The following SLC9A9 variants were observed in gnomAD, a reference collection of about 807,000 sequenced individuals.
The protein encoded by SLC9A9 is solute carrier family 9 member A9.
A neutral mutation model predicts 77.8 loss-of-function variants in SLC9A9; 62 were observed. The observed-to-expected ratio is 0.80, with a 90% CI of 0.65 to 0.98. The LOEUF is 0.98. Ranked by LOEUF, SLC9A9 falls within the 50% of genes least tolerant of loss-of-function variation. The pLI is 0.00. For missense variants in SLC9A9, 775 were observed against 774.9 expected, an observed-to-expected ratio of 1.00 and a Z score of 0.00; for synonymous variants, 320 against 283.5, an observed-to-expected ratio of 1.13 and a Z score of -1.29.
chr3:143,571,477 T>G (rs2037257088), intron 8 of SLC9A9, among the ~76,000 whole-genome samples: 1 of 152,142 alleles, frequency 6.6e-6, no homozygotes, highest in Admixed American at 6.6e-5. Context: ...GAAATGACCA[T>G]ATGAAGAATG....
intron 9 of SLC9A9, among the ~76,000 whole-genome samples, chr3:143,498,445 T>C (rs1294615397): frequency 6.6e-6 from 1 of 152,044 alleles, no homozygotes; most frequent in Non-Finnish European, 1.5e-5. Context: ...TTCCAGCTAC[T>C]TGTGAGGCTG....
intron 1 of SLC9A9, among the ~76,000 whole-genome samples, chr3:143,841,650 G>A (rs1281845814): frequency 6.6e-6 from 1 of 152,112 alleles, no homozygotes; most frequent in Non-Finnish European, 1.5e-5. Context: ...GGAGTCCTTC[G>A]AGGCACCACA....
intron 6 of SLC9A9, among the ~76,000 whole-genome samples, chr3:143,637,707 T>C (rs927888509): frequency 6.6e-6 from 1 of 152,192 alleles, no homozygotes; most frequent in Non-Finnish European, 1.5e-5. Context: ...AAGGTGAGAA[T>C]AGATATGTAT....
intron 9 of SLC9A9, among the ~76,000 whole-genome samples, chr3:143,511,977 C>T (rs1482938349): frequency 6.6e-6 from 1 of 152,026 alleles, no homozygotes; most frequent in Non-Finnish European, 1.5e-5. Flanking sequence ...ACTGAATACT[C>T]CAAAAAAAGG....
At chr3:143,627,358 G>T in intron 6 of SLC9A9, 1 of 213,372 alleles carries the variant, frequency 4.7e-6, no homozygotes, top group South Asian at 8.6e-5. Context: ...CCAATCTATT[G>T]CTTGGCAGCA....
intron 9 of SLC9A9, among the ~76,000 whole-genome samples, chr3:143,526,745 C>T (rs1037956630): frequency 6.6e-6 from 1 of 152,124 alleles, no homozygotes; most frequent in Non-Finnish European, 1.5e-5. Context: ...TGTTCCTTGC[C>T]AGGGTTTGAG....
intron 12 of SLC9A9, among the ~76,000 whole-genome samples, chr3:143,383,524 A>C (rs569178958): frequency 6.6e-6 from 1 of 152,368 alleles, no homozygotes; most frequent in East Asian, 1.9e-4. Flanking sequence ...CTGTGTTGAA[A>C]CTATGTATTT....
In SLC9A9 at chr3:143,748,235, C is replaced by T. The variant is rs113991485; in HGVS notation, c.533+46766G>A. On this transcript the variant is annotated intron_variant, in intron 4 of 15. Coordinates refer to ENST00000316549, the MANE Select transcript of SLC9A9 (RefSeq NM_173653.4). ...TTTAGATATTCAGGCCCATGATATG[C>T]GGGCTCTGTTTGTGCTCTTATCCGG... 4.8e-3 allele frequency among the ~76,000 whole-genome samples: 727 copies of T among 152,288 alleles called. 5 individuals carry two copies. The highest frequency in any genetic ancestry group is 0.017 in the African/African-American group (703 of 41,558).
intron 11 of SLC9A9, among the ~76,000 whole-genome samples, chr3:143,477,958 T>C (rs1435836518): frequency 6.6e-6 from 1 of 152,224 alleles, no homozygotes; most frequent in Admixed American, 6.5e-5. Flanking sequence ...GTTCAGCCTC[T>C]TGCCCACTCC....
intron 5 of SLC9A9, among the ~76,000 whole-genome samples, chr3:143,678,435 A>G (rs962891708): frequency 1.3e-5 from 2 of 152,120 alleles, no homozygotes; most frequent in Non-Finnish European, 2.9e-5. Context: ...AAATTTCATT[A>G]TTTACATTTT....
chr3:143,646,473 A>G (rs914409102), intron 6 of SLC9A9, among the ~76,000 whole-genome samples: 3 of 149,686 alleles, frequency 2.0e-5, no homozygotes, highest in African/African-American at 7.3e-5. Context: ...TATAAATATT[A>G]TATATTAAAT....
chr3:143,297,050 CT>C (rs2030303411), intron 14 of SLC9A9, among the ~76,000 whole-genome samples: 2 of 152,110 alleles, frequency 1.3e-5, no homozygotes, highest in East Asian at 3.9e-4. Flanking sequence ...CCTATTTTTA[CT>C]TTTGTTGCTT....
intron 11 of SLC9A9, among the ~76,000 whole-genome samples, chr3:143,492,859 G>A (rs928693139): frequency 6.6e-6 from 1 of 152,138 alleles, no homozygotes; most frequent in Non-Finnish European, 1.5e-5. Flanking sequence ...AACTGCCTCT[G>A]AGTACATTGT....
chr3:143,615,887 T>G (rs567990240), intron 6 of SLC9A9, among the ~76,000 whole-genome samples: 3 of 147,086 alleles, frequency 2.0e-5, no homozygotes, highest in African/African-American at 8.0e-5. Context: ...TAAATTTCTT[T>G]TTTTTTTTTT....
intron 12 of SLC9A9, among the ~76,000 whole-genome samples, chr3:143,463,397 C>T (rs1251344164): frequency 6.6e-6 from 1 of 152,200 alleles, no homozygotes; most frequent in Non-Finnish European, 1.5e-5. Flanking sequence ...GGTGCCACTG[C>T]CAGAGAGCTC....
At chr3:143,352,109 CAT>C (rs1443610968) in intron 14 of SLC9A9, among the ~76,000 whole-genome samples, 1 of 152,154 alleles carries the variant, frequency 6.6e-6, no homozygotes, top group Non-Finnish European at 1.5e-5. Flanking sequence ...AGCCACCCCT[CAT>C]GACTGACACC....
chr3:143,557,585 G>C (rs1189269971), intron 8 of SLC9A9, among the ~76,000 whole-genome samples: 1 of 152,206 alleles, frequency 6.6e-6, no homozygotes, highest in Admixed American at 6.5e-5. Context: ...GAATGACTTT[G>C]ACTAAAATGC....
At chr3:143,507,353 G>T (rs1415744098) in intron 9 of SLC9A9, among the ~76,000 whole-genome samples, 2 of 152,048 alleles carry the variant, frequency 1.3e-5, no homozygotes, top group African/African-American at 4.8e-5. Flanking sequence ...GACTACAGGT[G>T]CCCGCCACAG....
chr3:143,415,667 T>C (rs2034179083), intron 12 of SLC9A9, among the ~76,000 whole-genome samples: 1 of 152,166 alleles, frequency 6.6e-6, no homozygotes, highest in Non-Finnish European at 1.5e-5. Context: ...AGAGCTCTGA[T>C]AGGGATGTAA....
Sources: allele counts gnomAD v4.1 joint callset (sites outside exome capture counted in the v4.1 genomes callset), GRCh38; gene constraint gnomAD v4.1.1; transcripts MANE v1.5; gene names NCBI Gene and HGNC (gene_info 2026-07-23, HGNC 2026-07-21).